IFT140: variants seen among roughly 807,000 people sequenced by gnomAD.
IFT140 encodes intraflagellar transport 140.
IFT140 carries 133 observed loss-of-function variants against 164.6 expected under a neutral mutation model. The observed-to-expected ratio is 0.81, with a 90% CI of 0.70 to 0.93. The LOEUF (loss-of-function observed/expected upper bound fraction) is 0.93. IFT140 is among the 40% of genes least tolerant of loss of function. IFT140 has a pLI of 0.00. For synonymous variants in IFT140, 860 were observed against 817.3 expected (o/e 1.05, Z -0.89); for missense variants, 2,045 against 1,972.3 (o/e 1.04, Z -0.70).
intron 4 of IFT140, among the ~76,000 whole-genome samples, chr16:1,598,148 C>G (rs945178309): frequency 6.6e-6 from 1 of 152,020 alleles, no homozygotes; most frequent in African/African-American, 2.4e-5. Flanking sequence ...AAAAACTTGG[C>G]GAATAATATG....
At chr16:1,528,513 A>C (rs1983600) in intron 19 of IFT140, among the ~76,000 whole-genome samples, 10,079 of 150,846 alleles carry the variant, frequency 0.067, 571 homozygotes, top group Admixed American at 0.18. Flanking sequence ...ACATGCAGGC[A>C]CACACACAGG....
intron 19 of IFT140, chr16:1,555,457 T>A (rs980285196): frequency 1.7e-4 from 31 of 182,962 alleles, no homozygotes; most frequent in African/African-American, 6.9e-4. Context: ...TCCACAATAT[T>A]CCTTGAGTGA....
At chr16:1,554,671 G>T (rs2032945414) in intron 19 of IFT140, 3 of 1,460,566 alleles carry the variant, frequency 2.1e-6, no homozygotes, top group Non-Finnish European at 2.8e-6. Flanking sequence ...AGGACAGAGG[G>T]CTGGGGAAGG....
In IFT140 at chr16:1,607,294, A is replaced by T; in HGVS notation, c.-28T>A. On this transcript the variant is annotated 5_prime_UTR_variant, in exon 3 of 31. Coordinates refer to ENST00000426508, the MANE Select transcript of IFT140 (RefSeq NM_014714.4). ...CGGAACTCAGGCCTCCTCAGCGCTG[A>T]AACCTGCAGGGAAAAAAAAATGACC... The T allele has an allele frequency of 1.9e-6, 3 of 1,593,496 alleles. No homozygotes were observed. Among genetic ancestry groups the T allele is most frequent in the Non-Finnish European group, 2.6e-6 (3 of 1,171,354 alleles).
chr16:1,554,595 C>G (rs915460316), intron 19 of IFT140, among the ~76,000 whole-genome samples: 1 of 152,094 alleles, frequency 6.6e-6, no homozygotes, highest in East Asian at 1.9e-4. Context: ...GCAGCCGCCC[C>G]GTAAAGCAGG....
At chr16:1,562,213 T>G in intron 17 of IFT140, 97 bp from the exon 18 acceptor site, 1 of 1,099,136 alleles carries the variant, frequency 9.1e-7, no homozygotes, top group Non-Finnish European at 1.3e-6. Flanking sequence ...TGCGTCACGG[T>G]GGGGTCGTTG....
intron 2 of IFT140, among the ~76,000 whole-genome samples, chr16:1,607,936 C>G (rs577704393): frequency 6.6e-6 from 1 of 152,348 alleles, no homozygotes; most frequent in African/African-American, 2.4e-5. Context: ...TGGGCCACCA[C>G]TGCCTTTTAA....
intron 30 of IFT140, among the ~76,000 whole-genome samples, chr16:1,514,095 G>GGGCA: frequency 6.6e-6 from 1 of 151,506 alleles, no homozygotes; most frequent in Admixed American, 6.6e-5. Context: ...TTGGCCAGGT[G>GGGCA]CGGTACCTCA....
chr16:1,511,381 C>T (rs993159645), intron 30 of IFT140, among the ~76,000 whole-genome samples: 5 of 152,182 alleles, frequency 3.3e-5, no homozygotes, highest in South Asian at 2.1e-4. Flanking sequence ...CAGGAAGCTT[C>T]GGTCAGCATT....
At chr16:1,554,540 C>G (rs987475438) in intron 19 of IFT140, among the ~76,000 whole-genome samples, 7 of 152,176 alleles carry the variant, frequency 4.6e-5, no homozygotes, top group Admixed American at 1.3e-4. Context: ...AGCCTGAAGT[C>G]CTAAGAGCCA....
intron 14 of IFT140, among the ~76,000 whole-genome samples, chr16:1,569,558 C>T (rs1032572643): frequency 2.0e-5 from 3 of 149,174 alleles, no homozygotes; most frequent in Non-Finnish European, 4.5e-5. Context: ...CCTCCACTCC[C>T]CTCCTCTCCC....
At chr16:1,589,880 A>G in intron 6 of IFT140, 100 bp from the exon 7 acceptor site, 2 of 1,103,028 alleles carry the variant, frequency 1.8e-6, no homozygotes, top group Admixed American at 2.2e-5. Context: ...GACATTTTCA[A>G]AGCAAAGCAT....
intron 7 of IFT140, among the ~76,000 whole-genome samples, chr16:1,588,297 A>G (rs1244082634): frequency 1.3e-5 from 2 of 152,120 alleles, no homozygotes; most frequent in Non-Finnish European, 2.9e-5. Flanking sequence ...AGGCCGAGGC[A>G]GGCGGATCAT....
intron 12 of IFT140, among the ~76,000 whole-genome samples, chr16:1,581,549 G>A (rs1057079851): frequency 2.0e-5 from 3 of 151,398 alleles, no homozygotes; most frequent in East Asian, 2.0e-4. Context: ...GCAGTGAGCC[G>A]CCATCACACC....
chr16:1,574,279 A>G (rs2034161035), intron 13 of IFT140, among the ~76,000 whole-genome samples: 1 of 151,920 alleles, frequency 6.6e-6, no homozygotes, highest in Non-Finnish European at 1.5e-5. Flanking sequence ...CTACTCACTT[A>G]ATTACTTATT....
At chr16:1,545,155 G>A (rs895591002) in intron 19 of IFT140, among the ~76,000 whole-genome samples, 1 of 152,350 alleles carries the variant, frequency 6.6e-6, no homozygotes, top group Admixed American at 6.5e-5. Context: ...CAGCATTCCC[G>A]GGGGACAGGG....
intron 13 of IFT140, chr16:1,576,938 T>C (rs895388840): frequency 1.3e-5 from 2 of 152,172 alleles, no homozygotes; most frequent in African/African-American, 4.8e-5. Flanking sequence ...ACTCAAGTGT[T>C]TCGAAGATCC....
rs1361150924 is a variant in IFT140, at chr16:1,592,321, G to C, written c.492-3C>G. ...CCTTTGCCAACTGAACCAGGTCCCT[G>C]AAAGCAAACACGACACGAAGCAAGA... On this transcript the variant is annotated splice_region_variant and splice_polypyrimidine_tract_variant and intron_variant, in intron 5 of 30. Transcript: ENST00000426508. 1 of 1,614,116 alleles carries C rather than the reference G, an allele frequency of 6.2e-7. No homozygotes were observed. Among genetic ancestry groups the C allele is most frequent in the Admixed American group, 1.7e-5 (1 of 60,016 alleles).
At chr16:1,517,759 A>C (rs1206068405) in intron 30 of IFT140, among the ~76,000 whole-genome samples, 6 of 152,244 alleles carry the variant, frequency 3.9e-5, no homozygotes, top group Non-Finnish European at 8.8e-5. Context: ...CTTCACAAAT[A>C]AAGTAAGTCT....
Sources: gnomAD v4.1 joint callset for allele counts (sites outside exome capture counted in the v4.1 genomes callset) on GRCh38, gnomAD v4.1.1 for gene constraint, MANE v1.5 for transcripts, NCBI Gene and HGNC (gene_info 2026-07-23, HGNC 2026-07-21) for gene names.